The following ENTREP2 variants were observed in gnomAD, a reference collection of about 807,000 sequenced individuals.
ENTREP2 encodes the protein protein ENTREP2.
chr15:29,627,017 C>T, the ENTREP2 span, among the ~76,000 whole-genome samples: 1 of 151,746 alleles, frequency 6.6e-6, no homozygotes, highest in Non-Finnish European at 1.5e-5. Context: ...TTATTTTTTC[C>T]TTCTTTTCCT....
the ENTREP2 span, chr15:29,196,323 C>T: frequency 7.9e-7 from 1 of 1,266,974 alleles, no homozygotes; most frequent in South Asian, 1.5e-5. Context: ...CTGAACCTAC[C>T]CCGGGAAGTT....
the ENTREP2 span, among the ~76,000 whole-genome samples, chr15:29,169,338 A>G: frequency 6.6e-6 from 1 of 152,216 alleles, no homozygotes; most frequent in Non-Finnish European, 1.5e-5. Context: ...AAGGCTTTGC[A>G]CACATCAAAA....
At chr15:29,394,320 A>C in the ENTREP2 span, among the ~76,000 whole-genome samples, 1 of 152,202 alleles carries the variant, frequency 6.6e-6, no homozygotes, top group African/African-American at 2.4e-5. Flanking sequence ...TTTTTCCTTC[A>C]GATAGTAGAG....
At chr15:29,175,602 T>A in the ENTREP2 span, among the ~76,000 whole-genome samples, 1 of 152,170 alleles carries the variant, frequency 6.6e-6, no homozygotes, top group South Asian at 2.1e-4. Flanking sequence ...TGTTTGTCCA[T>A]CTCTCTTTTT....
the ENTREP2 span, among the ~76,000 whole-genome samples, chr15:29,153,940 G>A: frequency 6.6e-6 from 1 of 152,162 alleles, no homozygotes; most frequent in Non-Finnish European, 1.5e-5. Flanking sequence ...CTCAGTAACT[G>A]AGACCACACA....
At chr15:29,240,486 T>C in the ENTREP2 span, among the ~76,000 whole-genome samples, 1 of 152,078 alleles carries the variant, frequency 6.6e-6, no homozygotes, top group Non-Finnish European at 1.5e-5. Context: ...AATGGATTAA[T>C]GCTGATTATA....
At chr15:29,289,206 CAAA>C in the ENTREP2 span, among the ~76,000 whole-genome samples, 6 of 77,964 alleles carry the variant, frequency 7.7e-5, no homozygotes, top group African/African-American at 5.0e-5. Flanking sequence ...GACCCTGTCT[CAAA>C]AAAAAAAAAA....
chr15:29,583,591 A>C, the ENTREP2 span, among the ~76,000 whole-genome samples: 1 of 152,204 alleles, frequency 6.6e-6, no homozygotes, highest in East Asian at 1.9e-4. Flanking sequence ...CATGGCACAC[A>C]TTTACCTATG....
chr15:29,371,687 C>T, the ENTREP2 span, among the ~76,000 whole-genome samples: 1 of 151,866 alleles, frequency 6.6e-6, no homozygotes, highest in East Asian at 1.9e-4. Flanking sequence ...TAGAAAATAA[C>T]ATAACTGTCT....
chr15:29,404,643 G>A, the ENTREP2 span, among the ~76,000 whole-genome samples: 81 of 150,200 alleles, frequency 5.4e-4, no homozygotes, highest in African/African-American at 1.9e-3. Flanking sequence ...TCCCCTCCTC[G>A]CAGTATCTAT....
At chr15:29,151,526 A>G in the ENTREP2 span, among the ~76,000 whole-genome samples, 1 of 152,194 alleles carries the variant, frequency 6.6e-6, no homozygotes, top group African/African-American at 2.4e-5. Context: ...AACCCTGTCA[A>G]TATGGAGCTC....
the ENTREP2 span, among the ~76,000 whole-genome samples, chr15:29,324,164 G>C: frequency 1.3e-5 from 2 of 151,990 alleles, no homozygotes; most frequent in African/African-American, 2.4e-5. Context: ...GCAGTGGCAC[G>C]ATCATTGTTC....
chr15:29,121,270 T>C, the ENTREP2 span: 1 of 151,998 alleles, frequency 6.6e-6, no homozygotes, highest in African/African-American at 2.4e-5. Flanking sequence ...GCTGAGGGGG[T>C]CCAGTAGGCC....
chr15:29,625,461 T>C, the ENTREP2 span, among the ~76,000 whole-genome samples: 1 of 152,200 alleles, frequency 6.6e-6, no homozygotes, highest in Non-Finnish European at 1.5e-5. Context: ...AGTGGCACCA[T>C]CTCGGCTCAC....
chr15:29,175,847 C>T, the ENTREP2 span, among the ~76,000 whole-genome samples: 1 of 152,208 alleles, frequency 6.6e-6, no homozygotes, highest in Non-Finnish European at 1.5e-5. Context: ...ACCTCGTGAT[C>T]CACCCGCCTT....
chr15:29,630,123 AAAAT>A, the ENTREP2 span, among the ~76,000 whole-genome samples: 23 of 152,152 alleles, frequency 1.5e-4, no homozygotes, highest in African/African-American at 4.6e-4. Flanking sequence ...CTCAAAAATT[AAAAT>A]AAATAAATAA....
At chr15:29,548,177 G>C in the ENTREP2 span, among the ~76,000 whole-genome samples, 1 of 152,020 alleles carries the variant, frequency 6.6e-6, no homozygotes, top group African/African-American at 2.4e-5. Context: ...GGATAAGATG[G>C]GGCCGGGTGG....
the ENTREP2 span, among the ~76,000 whole-genome samples, chr15:29,573,686 T>A: frequency 6.6e-6 from 1 of 151,714 alleles, no homozygotes; most frequent in African/African-American, 2.4e-5. Flanking sequence ...TCTCTCTGTG[T>A]CTGTCTTTCC....
chr15:29,268,421 G>A, the ENTREP2 span: 1 of 218,808 alleles, frequency 4.6e-6, no homozygotes, highest in Non-Finnish European at 8.7e-6. Context: ...TTACAAACTG[G>A]GGTAGTTAGG....
Sources: allele counts gnomAD v4.1 joint callset (sites outside exome capture counted in the v4.1 genomes callset), GRCh38; gene constraint gnomAD v4.1.1; transcripts MANE v1.5; gene names NCBI Gene and HGNC (gene_info 2026-07-23, HGNC 2026-07-21).